Variants in ASIC2 observed in about 807,000 individuals in gnomAD.
ASIC2 encodes acid sensing ion channel subunit 2, also known as acid-sensing ion channel 2.
In ASIC2, 25 loss-of-function variants were observed where a neutral mutation model predicts 57.3. That is an observed-to-expected ratio of 0.44 (90% CI 0.32 to 0.61). The LOEUF is 0.61. Among genes scored for constraint, ASIC2 ranks in the 20% least tolerant of loss-of-function variants. ASIC2 has a pLI of 0.06. For synonymous variants in ASIC2, 319 were observed against 307.5 expected (o/e 1.04, Z -0.39); for missense variants, 641 against 738.1 (o/e 0.87, Z 1.52).
intron 3 of ASIC2, among the ~76,000 whole-genome samples, chr17:33,043,828 G>A (rs1753668150): frequency 6.6e-6 from 1 of 152,150 alleles, no homozygotes; most frequent in Non-Finnish European, 1.5e-5. Context: ...ATCTGGGGAT[G>A]CCCTCCTCCT....
intron 1 of ASIC2, among the ~76,000 whole-genome samples, chr17:33,118,624 G>A (rs946348345): frequency 2.6e-5 from 4 of 152,094 alleles, no homozygotes; most frequent in Non-Finnish European, 5.9e-5. Flanking sequence ...AGAGGAACCC[G>A]AGCAAAGTGC....
At chr17:33,640,112 T>C (rs1264261484) in intron 1 of ASIC2, among the ~76,000 whole-genome samples, 2 of 151,844 alleles carry the variant, frequency 1.3e-5, no homozygotes, top group Non-Finnish European at 1.5e-5. Flanking sequence ...GGGGATGCAA[T>C]GGAGAGAAGG....
intron 1 of ASIC2, among the ~76,000 whole-genome samples, chr17:34,130,127 T>C (rs1000339684): frequency 6.6e-6 from 1 of 152,224 alleles, no homozygotes; most frequent in Admixed American, 6.5e-5. Context: ...TTGCACATCA[T>C]GAAAGGACTA....
At chr17:33,018,380 G>T (rs2011259) in intron 7 of ASIC2, among the ~76,000 whole-genome samples, 1 of 152,024 alleles carries the variant, frequency 6.6e-6, no homozygotes, top group East Asian at 1.9e-4. Flanking sequence ...TTGGGGTCTG[G>T]ATGTCGGGAT....
At chr17:33,084,237 T>C (rs1431389914) in intron 3 of ASIC2, among the ~76,000 whole-genome samples, 1 of 152,148 alleles carries the variant, frequency 6.6e-6, no homozygotes, top group Admixed American at 6.5e-5. Context: ...ATGGAAAAAC[T>C]GAGGCCCAGA....
At position 33,021,232 on chromosome 17, in the gene ASIC2, A is replaced by G. The variant is rs140661392; in HGVS notation, c.1428T>C (p.Val476=). ...ACACTGACTTACCAAGTAAGGCAGC[A>G]ACTTCATACGCCTTCTTCTGTTCAA... ...ETIEQKKAYE[V]AALLGDIGGQ... is the part of the protein sequence containing the mutation. The change falls in exon 7 of 10, where the codon GTT becomes GTC. Residue 476 remains valine, a synonymous_variant. Transcript: ENST00000225823. The G allele has an allele frequency of 9.9e-6, 15 of 1,510,246 alleles. No individual in the cohort carries two copies. In the African/African-American group the frequency reaches 1.5e-4, roughly 16 times the overall value. The allele number at this position is 1,510,246 out of a possible 1,614,324, so 93.6% of individuals were successfully genotyped here. A position where few individuals can be genotyped will look rare whatever the true frequency, so the allele number is the denominator to read the frequency against.
Position 34,101,495 on chromosome 17 carries a change from G to A in ASIC2, c.555+54483C>T, listed in dbSNP as rs1383411209. ...CAAGTGAGTACCCAGGGTCACTGAG[G>A]GTTCCCACGCTTTTAATGAAATATG... On this transcript the variant is annotated intron_variant, in intron 1 of 9. Transcript: ENST00000359872. Among the ~76,000 whole-genome samples, 8 of 152,104 alleles carry A rather than the reference G, an allele frequency of 5.3e-5. No homozygotes were observed. In the South Asian group the frequency reaches 1.5e-3, roughly 28 times the overall value.
chr17:33,064,171 T>A (rs570323907), intron 3 of ASIC2, among the ~76,000 whole-genome samples: 55 of 152,364 alleles, frequency 3.6e-4, no homozygotes, highest in African/African-American at 1.3e-3. Flanking sequence ...GTCAAAGTCA[T>A]TCTCCATCGA....
chr17:33,941,677 A>G (rs1916194949), intron 1 of ASIC2, among the ~76,000 whole-genome samples: 1 of 152,210 alleles, frequency 6.6e-6, no homozygotes, highest in Non-Finnish European at 1.5e-5. Context: ...AGCAGTGGCT[A>G]TTTCTATCTA....
At chr17:33,919,721 C>A (rs8065025) in intron 1 of ASIC2, among the ~76,000 whole-genome samples, 3 of 151,974 alleles carry the variant, frequency 2.0e-5, no homozygotes, top group Admixed American at 6.5e-5. Context: ...AACTATAAAC[C>A]GAGTAAATAG....
chr17:33,280,188 A>T (rs1392025955), intron 1 of ASIC2, among the ~76,000 whole-genome samples: 2 of 152,160 alleles, frequency 1.3e-5, no homozygotes, highest in East Asian at 3.9e-4. Flanking sequence ...ACATGGCAAA[A>T]GATGAAAGCC....
At chr17:33,568,775 A>G (rs1196721229) in intron 1 of ASIC2, among the ~76,000 whole-genome samples, 1 of 152,196 alleles carries the variant, frequency 6.6e-6, no homozygotes, top group Non-Finnish European at 1.5e-5. Flanking sequence ...AATGCCTGAT[A>G]TATTCCTTTA....
At chr17:33,756,719 G>T (rs1056395792) in intron 1 of ASIC2, among the ~76,000 whole-genome samples, 6 of 152,136 alleles carry the variant, frequency 3.9e-5, no homozygotes, top group Non-Finnish European at 7.4e-5. Context: ...AAGGTAAAGA[G>T]AAATCTTCAA....
intron 3 of ASIC2, chr17:33,052,240 C>T (rs569898865): frequency 1.3e-5 from 2 of 152,338 alleles, no homozygotes; most frequent in African/African-American, 4.8e-5. Flanking sequence ...ACTTTAAAAG[C>T]TCAGTGACAG....
chr17:33,473,866 C>T (rs577437177), intron 1 of ASIC2, among the ~76,000 whole-genome samples: 13 of 152,180 alleles, frequency 8.5e-5, no homozygotes, highest in Non-Finnish European at 1.3e-4. Context: ...CCCCCCATCA[C>T]GTACCCATGA....
rs1021771157 is a variant in ASIC2 at position 33,688,103 on chromosome 17, G to A, written c.555+467875C>T. On this transcript the variant is annotated intron_variant, in intron 1 of 9. Coordinates refer to the ASIC2 transcript ENST00000359872. ...GAGGGGAATGTGTGTGTTGGGGGTG[G>A]CCTGAGGGTTAATTGGAACATTTTG... Among the ~76,000 whole-genome samples, 3 of 152,262 alleles carry A rather than the reference G, an allele frequency of 2.0e-5. No homozygotes were observed. In the East Asian group the frequency reaches 5.8e-4, roughly 29 times the overall value.
intron 3 of ASIC2, among the ~76,000 whole-genome samples, chr17:33,044,281 TCCATCCATCCATCCATCCATCCAA>T (rs1479718362): frequency 6.6e-6 from 1 of 151,636 alleles, no homozygotes; most frequent in Non-Finnish European, 1.5e-5. Flanking sequence ...CATCCATCCA[TCCATCCATCCATCCATCCATCCAA>T]CCATCCATCC....
intron 1 of ASIC2, among the ~76,000 whole-genome samples, chr17:33,986,628 T>A (rs1485361320): frequency 6.6e-6 from 1 of 152,142 alleles, no homozygotes; most frequent in Admixed American, 6.5e-5. Context: ...ACTTACTTCC[T>A]GCTCTCCTGC....
intron 1 of ASIC2, among the ~76,000 whole-genome samples, chr17:33,502,941 C>T (rs1046732091): frequency 3.3e-5 from 5 of 152,090 alleles, no homozygotes; most frequent in East Asian, 1.9e-4. Flanking sequence ...TACAGGAAGG[C>T]GCATTTAAGA....
Sources: allele counts gnomAD v4.1 joint callset (sites outside exome capture counted in the v4.1 genomes callset), GRCh38; gene constraint gnomAD v4.1.1; transcripts MANE v1.5; gene names NCBI Gene and HGNC (gene_info 2026-07-23, HGNC 2026-07-21).